Variants in GNA14 observed in about 807,000 individuals in gnomAD.
GNA14 encodes G protein subunit alpha 14.
GNA14 carries 50 observed loss-of-function variants against 42.0 expected under a neutral mutation model. The observed-to-expected ratio is 1.19, with a 90% CI of 0.95 to 1.51. The LOEUF (loss-of-function observed/expected upper bound fraction) is 1.51. Among genes scored for constraint, GNA14 ranks in the 40% most tolerant of loss-of-function variants. The probability of loss-of-function intolerance (pLI) is 0.00; values close to 1 mark genes in which losing one functional copy is unlikely to be tolerated. For synonymous variants in GNA14, 173 were observed against 163.1 expected (o/e 1.06, Z -0.46); for missense variants, 473 against 446.2 (o/e 1.06, Z -0.54).
At position 77,423,501 on chromosome 9, in the gene GNA14, AAC is replaced by A. The variant is rs1249214093; in HGVS notation, c.*476_*477del. ...AGTCACCCTTCAGCATGAGGTGAGA[AAC>A]ACAATTAAAAATGTCTCTAAATTAC... On this transcript the variant is annotated 3_prime_UTR_variant, in exon 7 of 7. Transcript: ENST00000341700. The A allele has an allele frequency of 1.3e-5, 2 of 152,232 alleles. No homozygotes were observed. The highest frequency in any genetic ancestry group is 1.3e-4 in the Admixed American group (2 of 15,286). 9.4% of individuals were successfully genotyped at this position (152,232 alleles called of 1,614,324 possible).
chr9:77,619,929 C>T (rs1167312466), intron 1 of GNA14, among the ~76,000 whole-genome samples: 2 of 152,116 alleles, frequency 1.3e-5, no homozygotes, highest in Non-Finnish European at 2.9e-5. Flanking sequence ...TTTTGATACA[C>T]TGGAATTACT....
intron 2 of GNA14, among the ~76,000 whole-genome samples, chr9:77,447,792 G>T (rs1178884448): frequency 3.9e-5 from 6 of 152,192 alleles, no homozygotes; most frequent in African/African-American, 1.4e-4. Flanking sequence ...TTATGGGCCA[G>T]GTCTGGACAT....
intron 1 of GNA14, among the ~76,000 whole-genome samples, chr9:77,578,185 A>T (rs1823158887): frequency 6.6e-6 from 1 of 152,198 alleles, no homozygotes; most frequent in Admixed American, 6.5e-5. Context: ...CTGAGGCAGG[A>T]GAATCGCTTG....
At chr9:77,544,668 T>G (rs956284295) in intron 1 of GNA14, among the ~76,000 whole-genome samples, 6 of 124,662 alleles carry the variant, frequency 4.8e-5, no homozygotes, top group Non-Finnish European at 1.6e-5. Flanking sequence ...CGTCACTGCA[T>G]CTCAAAAAAA....
chr9:77,568,253 C>A (rs140095594), intron 1 of GNA14, among the ~76,000 whole-genome samples: 3 of 152,056 alleles, frequency 2.0e-5, no homozygotes, highest in Non-Finnish European at 4.4e-5. Context: ...GAGTTCAAGA[C>A]CAGCTTGGCC....
At chr9:77,617,921 C>A (rs1296341493) in intron 1 of GNA14, among the ~76,000 whole-genome samples, 1 of 152,010 alleles carries the variant, frequency 6.6e-6, no homozygotes, top group Non-Finnish European at 1.5e-5. Flanking sequence ...CAAAATTAGG[C>A]CCACCAGTTC....
chr9:77,482,501 T>G (rs1245457462), intron 2 of GNA14, among the ~76,000 whole-genome samples: 1 of 152,190 alleles, frequency 6.6e-6, no homozygotes, highest in Non-Finnish European at 1.5e-5. Flanking sequence ...TTTCCTTCCT[T>G]TCAACTTTGG....
chr9:77,469,872 T>C (rs1836299176), intron 2 of GNA14, among the ~76,000 whole-genome samples: 1 of 152,154 alleles, frequency 6.6e-6, no homozygotes, highest in South Asian at 2.1e-4. Flanking sequence ...TAGATGCTGA[T>C]GTTGTAAAGA....
chr9:77,455,452 C>T (rs1835982144), intron 2 of GNA14, among the ~76,000 whole-genome samples: 1 of 152,176 alleles, frequency 6.6e-6, no homozygotes, highest in Non-Finnish European at 1.5e-5. Flanking sequence ...GAGTGACAGC[C>T]AACACTGTCC....
intron 1 of GNA14, among the ~76,000 whole-genome samples, chr9:77,629,951 C>G (rs1824071186): frequency 2.6e-5 from 4 of 151,960 alleles, no homozygotes. Flanking sequence ...AAATCTTGTC[C>G]TTATTTATGG....
intron 1 of GNA14, among the ~76,000 whole-genome samples, chr9:77,642,920 C>T (rs145448339): frequency 2.0e-5 from 3 of 152,248 alleles, no homozygotes; most frequent in Non-Finnish European, 4.4e-5. Flanking sequence ...CATGTCTCAC[C>T]CAAGCCCCCA....
chr9:77,596,128 TC>T (rs1823463689), intron 1 of GNA14, among the ~76,000 whole-genome samples: 1 of 152,118 alleles, frequency 6.6e-6, no homozygotes, highest in Admixed American at 6.5e-5. Context: ...TTCATATTTT[TC>T]TGCAATATGA....
At position 77,603,952 on chromosome 9, in the gene GNA14, A is replaced by C. The variant is rs887349091; in HGVS notation, c.124+43718T>G. Among the ~76,000 whole-genome samples, 388 of 139,888 alleles carry C rather than the reference A, an allele frequency of 2.8e-3. 1 individual carries two copies. The highest frequency in any genetic ancestry group is 4.5e-3 in the Non-Finnish European group (294 of 65,908). The allele number at this position is 139,888 out of a possible 152,430, so 91.8% of individuals were successfully genotyped here. On this transcript the variant is annotated intron_variant, in intron 1 of 6. Transcript: ENST00000341700. Reference sequence around the variant, plus strand: ...GAGTAAGACTCCATCTCAAAAAAAAAAAACAAAAAAAAAAAAAAAAAAAAA... The same window carrying C: ...GAGTAAGACTCCATCTCAAAAAAAACAAACAAAAAAAAAAAAAAAAAAAAA...
intron 1 of GNA14, among the ~76,000 whole-genome samples, chr9:77,585,605 C>A (rs1021494216): frequency 3.9e-5 from 6 of 152,342 alleles, no homozygotes; most frequent in Admixed American, 6.5e-5. Context: ...GCTCTCATCT[C>A]TGAATGTGAC....
intron 2 of GNA14, among the ~76,000 whole-genome samples, chr9:77,462,502 G>A (rs372483867): frequency 1.4e-4 from 21 of 152,200 alleles, no homozygotes; most frequent in East Asian, 9.7e-4. Context: ...GGGTGGACAC[G>A]AGGTCAGGAG....
intron 2 of GNA14, among the ~76,000 whole-genome samples, chr9:77,438,453 A>G (rs1835674417): frequency 6.6e-6 from 1 of 152,034 alleles, no homozygotes; most frequent in African/African-American, 2.4e-5. Flanking sequence ...TTTTTAGTAC[A>G]GACGGGGTTT....
chr9:77,432,616 T>G (rs1294979603), intron 3 of GNA14, among the ~76,000 whole-genome samples: 1 of 152,142 alleles, frequency 6.6e-6, no homozygotes, highest in Non-Finnish European at 1.5e-5. Flanking sequence ...AACGTGCAAG[T>G]GCCTTGAGTC....
At chr9:77,437,634 G>GAA (rs951306546) in intron 2 of GNA14, among the ~76,000 whole-genome samples, 1 of 151,356 alleles carries the variant, frequency 6.6e-6, no homozygotes. Flanking sequence ...AAGAAAGAAA[G>GAA]AAAAAAGGAA....
At chr9:77,434,572 C>A in intron 2 of GNA14, 50 bp from the exon 3 acceptor site, 1 of 1,519,446 alleles carries the variant, frequency 6.6e-7, no homozygotes, top group Non-Finnish European at 9.1e-7. Context: ...AGGAAGCCAA[C>A]CCATTGGCAA....
Sources: allele counts gnomAD v4.1 joint callset (sites outside exome capture counted in the v4.1 genomes callset), GRCh38; gene constraint gnomAD v4.1.1; transcripts MANE v1.5; gene names NCBI Gene and HGNC (gene_info 2026-07-23, HGNC 2026-07-21).